Variants in PKHD1 observed in about 807,000 individuals in gnomAD.
The protein encoded by PKHD1 is PKHD1 ciliary IPT domain containing fibrocystin/polyductin.
A neutral mutation model predicts 412.0 loss-of-function variants in PKHD1; 291 were observed. The observed-to-expected ratio is 0.71, with a 90% CI of 0.64 to 0.78. The LOEUF is 0.78. Among genes scored for constraint, PKHD1 ranks in the 30% least tolerant of loss-of-function variants. PKHD1 has a pLI of 0.00. For synonymous variants in PKHD1, 1,777 were observed against 1,821.5 expected (o/e 0.98, Z 0.62); for missense variants, 4,825 against 4,950.7 (o/e 0.97, Z 0.76).
At chr6:51,885,710 C>G (rs543294023) in intron 45 of PKHD1, among the ~76,000 whole-genome samples, 157 bp downstream of exon 45, 12 of 152,282 alleles carry the variant, frequency 7.9e-5, no homozygotes, top group African/African-American at 2.9e-4. Flanking sequence ...ACCTATGATC[C>G]ATTGGTGCTT....
At chr6:52,052,710 C>G (rs1807054583) in intron 21 of PKHD1, among the ~76,000 whole-genome samples, 1 of 152,082 alleles carries the variant, frequency 6.6e-6, no homozygotes, top group African/African-American at 2.4e-5. Context: ...TGGACAAGAC[C>G]AGTAAGGAGT....
chr6:52,023,004 C>T lies in PKHD1; in HGVS notation c.5237-60G>A, dbSNP rs540526402. On this transcript the variant is annotated intron_variant, in intron 32 of 66. Transcript: ENST00000371117. ...AGGCAAATCTCCCTTCTTTACTCAA[C>T]TCAAAATTCAAACATTTGCTTCCTC... The T allele has an allele frequency of 1.1e-5, 17 of 1,596,780 alleles. No individual in the cohort carries two copies. The African/African-American group carries it at 1.5e-4, about 14-fold the overall frequency.
At chr6:51,989,953 A>G in intron 35 of PKHD1, among the ~76,000 whole-genome samples, 1 of 110,168 alleles carries the variant, frequency 9.1e-6, no homozygotes. Context: ...GGAAGAAAGG[A>G]AGGAAAGAAG....
At chr6:52,006,938 G>A (rs548540637) in intron 35 of PKHD1, among the ~76,000 whole-genome samples, 33 of 152,202 alleles carry the variant, frequency 2.2e-4, no homozygotes, top group Admixed American at 3.3e-4. Context: ...AAGAACATAC[G>A]ATATTTGGTT....
At chr6:51,845,936 G>A (rs1771066621) in intron 50 of PKHD1, among the ~76,000 whole-genome samples, 1 of 152,144 alleles carries the variant, frequency 6.6e-6, no homozygotes, top group African/African-American at 2.4e-5. Flanking sequence ...TCAGAAGCAG[G>A]CTAAGTAATG....
At chr6:51,845,895 C>G (rs1302403821) in intron 50 of PKHD1, among the ~76,000 whole-genome samples, 1 of 152,030 alleles carries the variant, frequency 6.6e-6, no homozygotes, top group African/African-American at 2.4e-5. Flanking sequence ...AGTTCATGAA[C>G]AGAATATGAC....
chr6:52,027,939 G>C, intron 30 of PKHD1, 43 bp from the exon 31 acceptor site: 1 of 1,483,462 alleles, frequency 6.7e-7, no homozygotes. Flanking sequence ...CTGACAGAGA[G>C]AGATAAGAAA....
chr6:51,770,803 A>G (rs1582588922), intron 55 of PKHD1, among the ~76,000 whole-genome samples: 1 of 151,994 alleles, frequency 6.6e-6, no homozygotes, highest in East Asian at 1.9e-4. Context: ...AATGGTGAAG[A>G]TTCATTTATG....
intron 61 of PKHD1, among the ~76,000 whole-genome samples, chr6:51,656,949 C>A (rs1211117414): frequency 2.0e-5 from 3 of 152,020 alleles, no homozygotes; most frequent in Non-Finnish European, 4.4e-5. Context: ...AGCCATCACG[C>A]CTGGCCCAAA....
Position 51,653,986 on chromosome 6 carries a change from T to C in PKHD1, c.11175-4766A>G, listed in dbSNP as rs959527234. On this transcript the variant is annotated intron_variant, in intron 61 of 66. Transcript: ENST00000371117. ...TTAGCCTGGGGAGCTGTAGCAGTCA[T>C]AAGTCTGTACAGGAAAACAGAAATC... 5.3e-5 allele frequency among the ~76,000 whole-genome samples: 8 copies of C among 152,136 alleles called. No homozygotes were observed. The East Asian group carries it at 9.6e-4, about 18-fold the overall frequency.
In PKHD1 at chr6:51,987,090, G is replaced by T. The variant is rs1356941701; in HGVS notation, c.5751+23219C>A. ...TACTATTAGGTACACAGGATATGAG[G>T]ACATCAAGATAGAACACCAACCAGC... On this transcript the variant is annotated intron_variant, in intron 35 of 66. Transcript: ENST00000371117. Among the ~76,000 whole-genome samples the T allele has an allele frequency of 2.6e-5, 4 of 152,196 alleles. No homozygotes were observed. The East Asian group carries it at 7.7e-4, about 29-fold the overall frequency.
rs368821139 is a variant in PKHD1, at chr6:52,061,160, T to C, written c.1119-1118A>G. 2.9e-4 allele frequency among the ~76,000 whole-genome samples: 44 copies of C among 152,304 alleles called. No individual in the cohort carries two copies. In the South Asian group the frequency reaches 8.7e-3, roughly 30 times the overall value. Reference sequence around the variant, plus strand: ...AAATATGAATTATTAGGTGCTACAATGGACCACAAATTAACTGCCACATTT... The same window carrying C: ...AAATATGAATTATTAGGTGCTACAACGGACCACAAATTAACTGCCACATTT... On this transcript the variant is annotated intron_variant, in intron 14 of 66. Transcript: ENST00000371117.
chr6:51,640,781 T>C (rs965168223), intron 63 of PKHD1, among the ~76,000 whole-genome samples: 1 of 152,194 alleles, frequency 6.6e-6, no homozygotes, highest in African/African-American at 2.4e-5. Context: ...TTTAAAAGTA[T>C]TAAGGACTTT....
intron 35 of PKHD1, among the ~76,000 whole-genome samples, chr6:51,965,968 C>T (rs911141370): frequency 6.6e-6 from 1 of 152,106 alleles, no homozygotes; most frequent in African/African-American, 2.4e-5. Flanking sequence ...AGTCCAAAGA[C>T]CTTTTCACTT....
At chr6:51,795,886 G>A (rs1275241638) in intron 52 of PKHD1, among the ~76,000 whole-genome samples, 2 of 152,092 alleles carry the variant, frequency 1.3e-5, no homozygotes, top group South Asian at 2.1e-4. Flanking sequence ...TGATCATGCT[G>A]GATAAACTTT....
rs1441352481 is a variant in PKHD1 at position 51,830,911 on chromosome 6, C to G, written c.8252G>C (p.Gly2751Ala). 1.9e-6 allele frequency: 3 copies of G among 1,612,690 alleles called. No individual in the cohort carries two copies. In the Admixed American group the frequency reaches 5.0e-5, roughly 27 times the overall value. Residue 2751 changes from glycine to alanine, a missense_variant, in exon 52 of 67, where the codon GGA (glycine) becomes GCA (alanine). Physicochemically the swap from Gly to Ala is moderately conservative, Grantham distance 60 (BLOSUM62 0). Transcript: ENST00000371117. ...TWQGVEEGWGGYNNTIPGPGD... is the reference protein window; with the variant it reads ...TWQGVEEGWGAYNNTIPGPGD... The stretch of plus-strand genomic sequence containing the variant: ...AGGGCCTGGAATGGTATTGTTGTAT[C>G]CTCCCCAGCCTTCTTCAACACCTTG...
chr6:51,705,237 G>A (rs544324732), intron 60 of PKHD1, among the ~76,000 whole-genome samples: 1 of 151,978 alleles, frequency 6.6e-6, no homozygotes, highest in Admixed American at 6.6e-5. Context: ...AAAGGAGGAT[G>A]GGATTTTAAG....
intron 60 of PKHD1, among the ~76,000 whole-genome samples, chr6:51,683,685 G>T (rs1480439690): frequency 6.6e-6 from 1 of 151,910 alleles, no homozygotes; most frequent in African/African-American, 2.4e-5. Flanking sequence ...TAAATTCCGG[G>T]GGCAGTGTGA....
Position 51,659,457 on chromosome 6 carries a change from A to G in PKHD1, c.10669T>C (p.Ser3557Pro), listed in dbSNP as rs750398480. 3 of 1,613,680 alleles carry G rather than the reference A, an allele frequency of 1.9e-6. No individual in the cohort carries two copies. The highest frequency in any genetic ancestry group is 2.5e-6 in the Non-Finnish European group (3 of 1,179,834). ...LQGEEPIEIR[S>P]GVSIHLALTV... ...AGGGCCAAGTGAATGGAAACACCTG[A>G]GCGTATTTCAATGGGCTCCTCTCCT... Residue 3557 changes from serine to proline, a missense_variant, in exon 61 of 67, where the codon TCA (serine) becomes CCA (proline). Transcript: ENST00000371117.
Sources: gnomAD v4.1 joint callset for allele counts (sites outside exome capture counted in the v4.1 genomes callset) on GRCh38, gnomAD v4.1.1 for gene constraint, MANE v1.5 for transcripts, NCBI Gene and HGNC (gene_info 2026-07-23, HGNC 2026-07-21) for gene names.